SH3BGRL2: variants seen among roughly 807,000 people sequenced by gnomAD.
The protein encoded by SH3BGRL2 is SH3 domain binding glutamate rich protein like 2, also known as SH3 domain-binding glutamic acid-rich-like protein 2.
In SH3BGRL2, 21 loss-of-function variants were observed where a neutral mutation model predicts 14.8. The observed-to-expected ratio is 1.42, with a 90% confidence interval of 1.01 to 2.05. The LOEUF (loss-of-function observed/expected upper bound fraction) is 2.05. SH3BGRL2 is among the 30% of genes most tolerant of loss of function. The pLI, the probability that SH3BGRL2 is intolerant of heterozygous loss-of-function variation, is 0.00. For missense variants in SH3BGRL2, 147 were observed against 130.8 expected, an observed-to-expected ratio of 1.12 and a Z score of -0.61; for synonymous variants, 50 against 47.8, an observed-to-expected ratio of 1.05 and a Z score of -0.19.
chr6:79,595,092 C>G, the SH3BGRL2 span, among the ~76,000 whole-genome samples: 1 of 152,140 alleles, frequency 6.6e-6, no homozygotes, highest in Non-Finnish European at 1.5e-5. Context: ...TTGAGACCAG[C>G]CTGATGAACA....
chr6:79,654,187 G>A (rs1769358771), intron 1 of SH3BGRL2, among the ~76,000 whole-genome samples: 1 of 152,186 alleles, frequency 6.6e-6, no homozygotes, highest in African/African-American at 2.4e-5. Context: ...CATAGCTGAT[G>A]TGAAGTACTG....
At chr6:79,648,294 T>TAAATATTTGACA (rs1562146772) in intron 1 of SH3BGRL2, among the ~76,000 whole-genome samples, 4 of 78,314 alleles carry the variant, frequency 5.1e-5, no homozygotes, top group Non-Finnish European at 7.9e-5. Context: ...TTGACATATA[T>TAAATATTTGACA]TATATATAAT....
chr6:79,550,991 G>A, the SH3BGRL2 span, among the ~76,000 whole-genome samples: 3 of 152,148 alleles, frequency 2.0e-5, no homozygotes, highest in Non-Finnish European at 2.9e-5. Flanking sequence ...GTGGTCAAGC[G>A]TGCAATGTTA....
At chr6:79,541,818 A>G in the SH3BGRL2 span, among the ~76,000 whole-genome samples, 1 of 152,232 alleles carries the variant, frequency 6.6e-6, no homozygotes, top group Non-Finnish European at 1.5e-5. Flanking sequence ...AAAAGTGATG[A>G]TAATAATTTT....
At chr6:79,605,155 C>G in the SH3BGRL2 span, among the ~76,000 whole-genome samples, 4 of 152,358 alleles carry the variant, frequency 2.6e-5, no homozygotes, top group Admixed American at 2.6e-4. Context: ...AATGCTCCCT[C>G]TAAGAATTCT....
chr6:79,542,338 G>A, the SH3BGRL2 span, among the ~76,000 whole-genome samples: 2 of 151,226 alleles, frequency 1.3e-5, no homozygotes, highest in Non-Finnish European at 2.9e-5. Flanking sequence ...TGCGATCTCA[G>A]CTCACTGCAA....
chr6:79,610,235 G>A, the SH3BGRL2 span, among the ~76,000 whole-genome samples: 9 of 152,212 alleles, frequency 5.9e-5, no homozygotes, highest in African/African-American at 2.2e-4. Flanking sequence ...CCACTAATTA[G>A]TCATATAACC....
intron 2 of SH3BGRL2, among the ~76,000 whole-genome samples, chr6:79,694,923 GCA>G (rs1488481855): frequency 1.3e-5 from 2 of 151,558 alleles, no homozygotes; most frequent in Non-Finnish European, 2.9e-5. Flanking sequence ...GCCATTCTCC[GCA>G]CAGTTATTTA....
chr6:79,627,797 AAAT>A (rs1392009019), upstream of SH3BGRL2, among the ~76,000 whole-genome samples: 1 of 152,086 alleles, frequency 6.6e-6, no homozygotes, highest in African/African-American at 2.4e-5. Flanking sequence ...TTCTTAGGCA[AAAT>A]AATAGGCTTC....
chr6:79,692,840 G>A (rs1022606705), intron 2 of SH3BGRL2, among the ~76,000 whole-genome samples: 1 of 152,102 alleles, frequency 6.6e-6, no homozygotes, highest in Non-Finnish European at 1.5e-5. Flanking sequence ...GGCGATGCGG[G>A]CTCTTTTTTG....
Position 79,652,747 on chromosome 6 carries a change from A to AT in SH3BGRL2, c.46-20857dup, listed in dbSNP as rs879736078. ...TTTGGGTTGGGGGTGACTTTTAGAA[A>AT]TTTTTTTTTTAAAGCAGGAACTATA... On this transcript the variant is annotated intron_variant, in intron 1 of 3. Transcript: ENST00000369838. Among the ~76,000 whole-genome samples, 473 of 150,974 alleles carry AT rather than the reference A, an allele frequency of 3.1e-3. 3 individuals are homozygous for AT. Among genetic ancestry groups the AT allele is most frequent in the Non-Finnish European group, 4.5e-3 (306 of 67,634 alleles).
chr6:79,637,346 A>G (rs1249290570), intron 1 of SH3BGRL2, among the ~76,000 whole-genome samples: 1 of 152,216 alleles, frequency 6.6e-6, no homozygotes, highest in Non-Finnish European at 1.5e-5. Flanking sequence ...AAGCATTTCA[A>G]TCTACTTGAA....
chr6:79,630,137 A>C (rs1184535051), upstream of SH3BGRL2, among the ~76,000 whole-genome samples: 1 of 152,232 alleles, frequency 6.6e-6, no homozygotes, highest in Non-Finnish European at 1.5e-5. Flanking sequence ...TGTCTCTTCT[A>C]TTATTGAAGG....
chr6:79,677,022 G>A (rs532752772), intron 2 of SH3BGRL2, among the ~76,000 whole-genome samples: 2 of 152,298 alleles, frequency 1.3e-5, no homozygotes, highest in African/African-American at 4.8e-5. Context: ...CGTATGCACT[G>A]TAATCATAGT....
In SH3BGRL2 at chr6:79,701,540, A is replaced by G. The variant is rs1770456034; in HGVS notation, c.*2031A>G. ...GTAGTATACCTATTATGATTATAGT[A>G]AACAGACTAGTGGGTAGTAATGCTA... On this transcript the variant is annotated 3_prime_UTR_variant, in exon 4 of 4. Transcript: ENST00000369838. 6.6e-6 allele frequency: 1 copy of G among 152,062 alleles called. No individual in the cohort carries two copies. Among genetic ancestry groups the G allele is most frequent in the Non-Finnish European group, 1.5e-5 (1 of 68,000 alleles). 9.4% of individuals were successfully genotyped at this position (152,062 alleles called of 1,614,324 possible).
chr6:79,684,462 G>A (rs371723649), intron 2 of SH3BGRL2, among the ~76,000 whole-genome samples: 4 of 151,664 alleles, frequency 2.6e-5, no homozygotes, highest in East Asian at 1.9e-4. Context: ...CTTAGTATCT[G>A]GTATCCATTA....
chr6:79,647,035 A>G (rs1260198839), intron 1 of SH3BGRL2, among the ~76,000 whole-genome samples: 1 of 152,172 alleles, frequency 6.6e-6, no homozygotes, highest in African/African-American at 2.4e-5. Context: ...GTATGTTTTC[A>G]GTTCTCTTGG....
intron 1 of SH3BGRL2, 37 bp downstream of exon 1, chr6:79,631,543 CG>C: frequency 7.3e-7 from 1 of 1,373,408 alleles, no homozygotes; most frequent in Non-Finnish European, 9.5e-7. Context: ...GTTGGGGTCG[CG>C]GGGCGCGGGT....
intron 1 of SH3BGRL2, among the ~76,000 whole-genome samples, chr6:79,652,200 A>G (rs963632936): frequency 6.6e-6 from 1 of 152,176 alleles, no homozygotes; most frequent in African/African-American, 2.4e-5. Context: ...AAGAACCTTT[A>G]AAGTGAAGAC....
Sources: allele counts gnomAD v4.1 joint callset (sites outside exome capture counted in the v4.1 genomes callset), GRCh38; gene constraint gnomAD v4.1.1; transcripts MANE v1.5; gene names NCBI Gene and HGNC (gene_info 2026-07-23, HGNC 2026-07-21).